Variants in DGKB observed in about 807,000 individuals in gnomAD.
DGKB encodes diacylglycerol kinase beta, also known as 90 kDa diacylglycerol kinase.
DGKB carries 67 observed loss-of-function variants against 114.3 expected under a neutral mutation model. That is an observed-to-expected ratio of 0.59 (90% CI 0.48 to 0.72). The LOEUF is 0.72. Among genes scored for constraint, DGKB ranks in the 30% least tolerant of loss-of-function variants. The probability of loss-of-function intolerance (pLI) is 0.00; values close to 1 mark genes in which losing one functional copy is unlikely to be tolerated. For missense variants in DGKB, 907 were observed against 975.2 expected (o/e 0.93, Z 0.93); for synonymous variants, 398 against 323.1 (o/e 1.23, Z -2.49).
intron 21 of DGKB, among the ~76,000 whole-genome samples, chr7:14,376,390 T>C (rs1818487939): frequency 6.6e-6 from 1 of 152,188 alleles, no homozygotes; most frequent in African/African-American, 2.4e-5. Flanking sequence ...TTTCTATCCT[T>C]CTTGTCTCAG....
chr7:14,500,086 A>C (rs947785498), intron 20 of DGKB, among the ~76,000 whole-genome samples: 1 of 151,900 alleles, frequency 6.6e-6, no homozygotes, highest in Non-Finnish European at 1.5e-5. Flanking sequence ...TCAATACTTT[A>C]CATATTTTTA....
At chr7:14,322,497 T>G (rs1307875159) in intron 23 of DGKB, among the ~76,000 whole-genome samples, 1 of 152,172 alleles carries the variant, frequency 6.6e-6, no homozygotes, top group Non-Finnish European at 1.5e-5. Flanking sequence ...AATTCCATCT[T>G]AATGTTAAAG....
At chr7:14,673,574 A>G (rs1355088570) in intron 12 of DGKB, among the ~76,000 whole-genome samples, 4 of 152,024 alleles carry the variant, frequency 2.6e-5, no homozygotes, top group Non-Finnish European at 5.9e-5. Flanking sequence ...GATGATTATG[A>G]TTATAAAAAT....
chr7:14,275,702 C>A (rs960712387), intron 23 of DGKB, among the ~76,000 whole-genome samples: 3 of 152,178 alleles, frequency 2.0e-5, no homozygotes, highest in Non-Finnish European at 4.4e-5. Flanking sequence ...ACTAGCAATT[C>A]TTAATAGTGG....
At chr7:14,435,137 A>C (rs1352218909) in intron 21 of DGKB, among the ~76,000 whole-genome samples, 1 of 152,064 alleles carries the variant, frequency 6.6e-6, no homozygotes, top group Non-Finnish European at 1.5e-5. Flanking sequence ...CTGGATTTTT[A>C]TCTCTCAACC....
At chr7:14,252,697 G>C (rs1450237498) in intron 23 of DGKB, among the ~76,000 whole-genome samples, 1 of 152,132 alleles carries the variant, frequency 6.6e-6, no homozygotes, top group East Asian at 1.9e-4. Context: ...TATGCCTCTG[G>C]AATGGGCTTA....
chr7:14,776,412 C>T (rs1189815888), intron 2 of DGKB, among the ~76,000 whole-genome samples: 1 of 152,168 alleles, frequency 6.6e-6, no homozygotes, highest in African/African-American at 2.4e-5. Flanking sequence ...CAGGCCCTAC[C>T]ATCACAGGCC....
intron 21 of DGKB, among the ~76,000 whole-genome samples, chr7:14,378,182 C>T (rs1349327648): frequency 6.6e-6 from 1 of 152,114 alleles, no homozygotes; most frequent in Non-Finnish European, 1.5e-5. Flanking sequence ...AAGACAAATG[C>T]ATTTGATTCT....
At chr7:14,961,600 G>A (rs1359781268) in intron 1 of DGKB, among the ~76,000 whole-genome samples, 4 of 152,136 alleles carry the variant, frequency 2.6e-5, no homozygotes, top group African/African-American at 7.2e-5. Flanking sequence ...CAGCTTTTGA[G>A]CTGGGGTCAC....
intron 23 of DGKB, among the ~76,000 whole-genome samples, chr7:14,202,813 T>C (rs1373803371): frequency 6.6e-6 from 1 of 152,146 alleles, no homozygotes; most frequent in East Asian, 1.9e-4. Context: ...TGAAGTATTT[T>C]ATGAATTTTG....
intron 21 of DGKB, among the ~76,000 whole-genome samples, chr7:14,375,720 G>A (rs142706574): frequency 1.3e-5 from 2 of 152,042 alleles, no homozygotes; most frequent in African/African-American, 4.8e-5. Context: ...TGCTTTCTTC[G>A]ATAGCACTTC....
chr7:14,387,430 A>G (rs1342164660), intron 21 of DGKB, among the ~76,000 whole-genome samples: 3 of 132,912 alleles, frequency 2.3e-5, no homozygotes, highest in Admixed American at 1.5e-4. Context: ...AAAAAAAAAA[A>G]AAGACAGGGT....
At chr7:14,759,609 A>G (rs1264602271) in intron 2 of DGKB, among the ~76,000 whole-genome samples, 1 of 152,188 alleles carries the variant, frequency 6.6e-6, no homozygotes, top group Non-Finnish European at 1.5e-5. Flanking sequence ...TTATAGCTGA[A>G]TAATATTCCA....
At chr7:14,546,022 A>T (rs1794227444) in intron 20 of DGKB, among the ~76,000 whole-genome samples, 1 of 152,132 alleles carries the variant, frequency 6.6e-6, no homozygotes, top group African/African-American at 2.4e-5. Context: ...TAAGCAAAGG[A>T]GCTGACTGAT....
At chr7:14,320,752 G>T (rs1371001633) in intron 23 of DGKB, among the ~76,000 whole-genome samples, 1 of 151,926 alleles carries the variant, frequency 6.6e-6, no homozygotes, top group Admixed American at 6.6e-5. Flanking sequence ...ATTAGATAAA[G>T]TAGTTAGAGC....
Position 14,471,198 on chromosome 7 carries a change from TG to T in DGKB, c.1835+6962del, listed in dbSNP as rs780067033. Reference sequence around the variant, plus strand: ...ATATATGTATATATACATATATGTATGGAATATATGTATATATACATATATA... The same window carrying T: ...ATATATGTATATATACATATATGTATGAATATATGTATATATACATATATA... On this transcript the variant is annotated intron_variant, in intron 21 of 25. Coordinates refer to ENST00000402815, the MANE Select transcript of DGKB (RefSeq NM_001350709.2). 1.1e-4 allele frequency among the ~76,000 whole-genome samples: 11 copies of T among 99,936 alleles called. 3 individuals carry two copies. In the East Asian group the frequency reaches 3.4e-3, roughly 31 times the overall value. 65.6% of individuals were successfully genotyped at this position (99,936 alleles called of 152,430 possible). A position where few individuals can be genotyped will look rare whatever the true frequency, so the allele number is the denominator to read the frequency against.
chr7:14,774,229 A>G (rs1037032492), intron 2 of DGKB, among the ~76,000 whole-genome samples: 1 of 152,202 alleles, frequency 6.6e-6, no homozygotes, highest in African/African-American at 2.4e-5. Flanking sequence ...TATCTCCTCC[A>G]AAGTTACAGT....
chr7:14,417,820 C>T (rs1211960724), intron 21 of DGKB, among the ~76,000 whole-genome samples: 1 of 151,432 alleles, frequency 6.6e-6, no homozygotes, highest in African/African-American at 2.4e-5. Context: ...ATAGTTTAAA[C>T]AGCAAGGTCT....
intron 20 of DGKB, among the ~76,000 whole-genome samples, chr7:14,497,957 T>C (rs1301243132): frequency 6.6e-6 from 1 of 151,920 alleles, no homozygotes; most frequent in Non-Finnish European, 1.5e-5. Context: ...CGTTTTGTTG[T>C]ACATTTAACT....
Sources: gnomAD v4.1 joint callset for allele counts (sites outside exome capture counted in the v4.1 genomes callset) on GRCh38, gnomAD v4.1.1 for gene constraint, MANE v1.5 for transcripts, NCBI Gene and HGNC (gene_info 2026-07-23, HGNC 2026-07-21) for gene names.